Variants in STAG1 observed in about 807,000 individuals in gnomAD.
STAG1 encodes cohesin subunit SA-1.
A neutral mutation model predicts 170.9 loss-of-function variants in STAG1; 26 were observed. The observed-to-expected ratio is 0.15, with a 90% CI of 0.11 to 0.21. STAG1 has a LOEUF of 0.21. Among genes scored for constraint, STAG1 ranks in the 10% least tolerant of loss-of-function variants. The pLI, the probability that STAG1 is intolerant of heterozygous loss-of-function variation, is 1.00. For missense variants in STAG1, 964 were observed against 1,509.5 expected (o/e 0.64, Z 5.99); for synonymous variants, 514 against 497.7 (o/e 1.03, Z -0.44).
intron 1 of STAG1, among the ~76,000 whole-genome samples, chr3:136,733,709 AT>A (rs1934170990): frequency 6.6e-6 from 1 of 152,252 alleles, no homozygotes; most frequent in Non-Finnish European, 1.5e-5. Flanking sequence ...AGCACATGGC[AT>A]AAACTAAGGC....
intron 23 of STAG1, among the ~76,000 whole-genome samples, chr3:136,370,420 T>C (rs1223072635): frequency 6.6e-6 from 1 of 152,190 alleles, no homozygotes; most frequent in Non-Finnish European, 1.5e-5. Context: ...GCAGGTTTGT[T>C]ACATAGGTAT....
intron 9 of STAG1, among the ~76,000 whole-genome samples, chr3:136,484,389 C>A (rs1017974719): frequency 6.8e-6 from 1 of 148,050 alleles, no homozygotes; most frequent in African/African-American, 2.5e-5. Flanking sequence ...TTAGGCTGCT[C>A]GGGGGTCAGG....
chr3:136,524,164 C>G lies in STAG1; in HGVS notation c.472-2747G>C, dbSNP rs371743647. 7.7e-3 allele frequency among the ~76,000 whole-genome samples: 1,160 copies of G among 151,120 alleles called. 20 individuals carry two copies. The highest frequency in any genetic ancestry group is 0.024 in the African/African-American group (1,001 of 41,260). ...TTGGTAGCTTGATGGGGATGGCATTCAATCTATAAATTACCTTGGGCAGTA... is the reference window on the plus strand; with the variant it reads ...TTGGTAGCTTGATGGGGATGGCATTGAATCTATAAATTACCTTGGGCAGTA... On this transcript the variant is annotated intron_variant, in intron 6 of 33. Transcript: ENST00000383202.
At chr3:136,642,413 A>T (rs1373882664) in intron 1 of STAG1, among the ~76,000 whole-genome samples, 1 of 151,648 alleles carries the variant, frequency 6.6e-6, no homozygotes, top group Non-Finnish European at 1.5e-5. Flanking sequence ...CTGGGATTAC[A>T]GACATGTACC....
At chr3:136,602,573 G>A (rs1303900941) in intron 4 of STAG1, among the ~76,000 whole-genome samples, 3 of 151,936 alleles carry the variant, frequency 2.0e-5, no homozygotes, top group Admixed American at 1.3e-4. Flanking sequence ...TAATGAGGCC[G>A]GGCATGGTGA....
At chr3:136,645,636 G>T (rs1940977746) in intron 1 of STAG1, among the ~76,000 whole-genome samples, 1 of 152,156 alleles carries the variant, frequency 6.6e-6, no homozygotes, top group African/African-American at 2.4e-5. Flanking sequence ...TAAGCTTTAT[G>T]GGTAAACCCA....
chr3:136,394,737 G>A (rs1002186612), intron 22 of STAG1, among the ~76,000 whole-genome samples: 4 of 151,752 alleles, frequency 2.6e-5, no homozygotes, highest in Non-Finnish European at 5.9e-5. Context: ...CAGATCACCT[G>A]AGGTTGGGAG....
intron 6 of STAG1, among the ~76,000 whole-genome samples, chr3:136,522,531 GTTTT>G (rs61552703): frequency 0.34 from 51,679 of 151,602 alleles, 11,044 homozygotes; most frequent in East Asian, 0.8. Context: ...AGTTCCTCTT[GTTTT>G]TTTCTTTTTT....
At chr3:136,533,373 TTTTTTA>T (rs1259286627) in intron 6 of STAG1, among the ~76,000 whole-genome samples, 1 of 152,152 alleles carries the variant, frequency 6.6e-6, no homozygotes, top group Admixed American at 6.5e-5. Flanking sequence ...GTGTCGCCTT[TTTTTTA>T]TTTTTATTTT....
At chr3:136,667,403 T>C (rs1576739066) in intron 1 of STAG1, among the ~76,000 whole-genome samples, 1 of 152,034 alleles carries the variant, frequency 6.6e-6, no homozygotes, top group South Asian at 2.1e-4. Flanking sequence ...GAAAGATAGA[T>C]AGATAGATAG....
At chr3:136,651,995 T>C (rs1331167870) in intron 1 of STAG1, among the ~76,000 whole-genome samples, 4 of 152,142 alleles carry the variant, frequency 2.6e-5, no homozygotes, top group Non-Finnish European at 4.4e-5. Flanking sequence ...TGCCCTTGGT[T>C]CAACCAGGAA....
chr3:136,518,411 T>A (rs745715078), intron 7 of STAG1: 1 of 700,280 alleles, frequency 1.4e-6, no homozygotes, highest in South Asian at 1.5e-5. Context: ...TCCCCAAGAC[T>A]TGTCCTGCAA....
At chr3:136,624,352 G>A (rs543585296) in intron 2 of STAG1, among the ~76,000 whole-genome samples, 6 of 152,054 alleles carry the variant, frequency 3.9e-5, no homozygotes, top group South Asian at 2.1e-4. Flanking sequence ...CACCTGCCTC[G>A]GCCTCCCAAA....
At chr3:136,741,037 TGAGAA>T (rs1934641989) in intron 1 of STAG1, among the ~76,000 whole-genome samples, 1 of 152,198 alleles carries the variant, frequency 6.6e-6, no homozygotes, top group Non-Finnish European at 1.5e-5. Flanking sequence ...CTGCCTGTCT[TGAGAA>T]GAGAAGCACT....
At chr3:136,574,803 G>T (rs926528458) in intron 4 of STAG1, among the ~76,000 whole-genome samples, 46 of 152,078 alleles carry the variant, frequency 3.0e-4, no homozygotes, top group African/African-American at 1.1e-3. Context: ...TAGAAGATAG[G>T]GATAAAATTA....
intron 1 of STAG1, among the ~76,000 whole-genome samples, chr3:136,632,318 G>A (rs910622356): frequency 2.0e-5 from 3 of 152,154 alleles, no homozygotes; most frequent in African/African-American, 7.2e-5. Flanking sequence ...AAAGAGAGGG[G>A]TGCTTAACAA....
At chr3:136,406,499 A>G (rs1034525470) in intron 21 of STAG1, among the ~76,000 whole-genome samples, 8 of 152,220 alleles carry the variant, frequency 5.3e-5, no homozygotes, top group African/African-American at 1.9e-4. Context: ...AAATCTAAAC[A>G]CATTAAAATT....
intron 1 of STAG1, among the ~76,000 whole-genome samples, chr3:136,712,856 T>A (rs1161853003): frequency 2.0e-5 from 3 of 151,962 alleles, no homozygotes; most frequent in African/African-American, 7.2e-5. Context: ...TCTGGGAGGC[T>A]GAGGCAGGTG....
At chr3:136,490,571 C>T (rs1157666501) in intron 9 of STAG1, among the ~76,000 whole-genome samples, 2 of 152,086 alleles carry the variant, frequency 1.3e-5, no homozygotes, top group East Asian at 1.9e-4. Flanking sequence ...GTCAAAGATA[C>T]ATTAGCTTTC....
Sources: gnomAD v4.1 joint callset for allele counts (sites outside exome capture counted in the v4.1 genomes callset) on GRCh38, gnomAD v4.1.1 for gene constraint, MANE v1.5 for transcripts, NCBI Gene and HGNC (gene_info 2026-07-23, HGNC 2026-07-21) for gene names.